The following ARHGAP42 variants were observed in gnomAD, a reference collection of about 807,000 sequenced individuals.
ARHGAP42 encodes rho GTPase-activating protein 42.
ARHGAP42 carries 63 observed loss-of-function variants against 125.0 expected under a neutral mutation model. The observed-to-expected ratio is 0.50, with a 90% CI of 0.41 to 0.62. The LOEUF (loss-of-function observed/expected upper bound fraction) is 0.62, where lower values mean the gene tolerates loss of function less well. ARHGAP42 is among the 20% of genes least tolerant of loss of function. The pLI is 0.00. For synonymous variants in ARHGAP42, 339 were observed against 351.0 expected (o/e 0.97, Z 0.38); for missense variants, 766 against 1,024.2 (o/e 0.75, Z 3.44).
At chr11:100,927,029 TA>T (rs1404829478) in intron 6 of ARHGAP42, among the ~76,000 whole-genome samples, 2 of 152,216 alleles carry the variant, frequency 1.3e-5, no homozygotes, top group Non-Finnish European at 2.9e-5. Flanking sequence ...AGCTAAAATA[TA>T]GTGCTTTTGA....
intron 1 of ARHGAP42, among the ~76,000 whole-genome samples, chr11:100,731,356 A>C (rs1219595351): frequency 2.0e-5 from 3 of 152,014 alleles, no homozygotes; most frequent in Admixed American, 2.0e-4. Context: ...ACGGGGTTTC[A>C]CCATGTTGGC....
chr11:100,687,921 C>A, intron 1 of ARHGAP42, 89 bp downstream of exon 1: 1 of 1,390,428 alleles, frequency 7.2e-7, no homozygotes, highest in Non-Finnish European at 9.6e-7. Flanking sequence ...GGAGTCGGAG[C>A]TTCTTTTGTT....
At chr11:100,895,117 A>C (rs1866318722) in intron 4 of ARHGAP42, among the ~76,000 whole-genome samples, 1 of 152,230 alleles carries the variant, frequency 6.6e-6, no homozygotes, top group South Asian at 2.1e-4. Context: ...GATAGAGAGG[A>C]GGCCAAGGCC....
At chr11:100,811,236 G>A (rs374221738) in intron 3 of ARHGAP42, among the ~76,000 whole-genome samples, 10 of 152,208 alleles carry the variant, frequency 6.6e-5, no homozygotes, top group Middle Eastern at 3.4e-3. Flanking sequence ...GATGATAGGC[G>A]CGAGCTACCA....
intron 13 of ARHGAP42, among the ~76,000 whole-genome samples, 194 bp from the exon 14 acceptor site, chr11:100,960,721 T>C (rs1321813989): frequency 6.6e-6 from 1 of 152,188 alleles, no homozygotes; most frequent in Non-Finnish European, 1.5e-5. Context: ...TCAAAGACTT[T>C]CAAATCACTG....
intron 1 of ARHGAP42, among the ~76,000 whole-genome samples, chr11:100,702,411 G>C (rs1861411592): frequency 6.6e-6 from 1 of 152,020 alleles, no homozygotes; most frequent in South Asian, 2.1e-4. Flanking sequence ...AAGAGCATTG[G>C]TCACAGGTCA....
At chr11:100,730,179 G>T (rs1366047427) in intron 1 of ARHGAP42, among the ~76,000 whole-genome samples, 1 of 151,994 alleles carries the variant, frequency 6.6e-6, no homozygotes, top group Non-Finnish European at 1.5e-5. Flanking sequence ...AAAGTTTGAT[G>T]TACTGTGGAT....
intron 2 of ARHGAP42, among the ~76,000 whole-genome samples, chr11:100,787,929 T>C (rs1426271588): frequency 6.6e-6 from 1 of 152,192 alleles, no homozygotes; most frequent in East Asian, 1.9e-4. Context: ...AAATTCATCA[T>C]AGGTGCTTGT....
chr11:100,728,049 G>A (rs1438716090), intron 1 of ARHGAP42, among the ~76,000 whole-genome samples: 2 of 152,140 alleles, frequency 1.3e-5, no homozygotes, highest in African/African-American at 2.4e-5. Flanking sequence ...AGAATTGGTT[G>A]GTGAAAGGAA....
intron 4 of ARHGAP42, among the ~76,000 whole-genome samples, chr11:100,895,496 T>C (rs1337515773): frequency 1.5e-4 from 22 of 148,640 alleles, no homozygotes; most frequent in Admixed American, 4.0e-4. Context: ...AGAGCAACTT[T>C]TTTTTTTTTT....
At chr11:100,813,843 A>G (rs949166657) in intron 3 of ARHGAP42, among the ~76,000 whole-genome samples, 8 of 152,202 alleles carry the variant, frequency 5.3e-5, no homozygotes, top group African/African-American at 1.9e-4. Context: ...AACCCTTTTT[A>G]ATAAGACTGG....
intron 3 of ARHGAP42, among the ~76,000 whole-genome samples, chr11:100,832,172 T>C (rs1459115302): frequency 6.6e-6 from 1 of 152,236 alleles, no homozygotes; most frequent in East Asian, 1.9e-4. Context: ...GGCACATGAC[T>C]TTAGCTGACA....
chr11:100,842,547 T>G (rs953714446), intron 3 of ARHGAP42, among the ~76,000 whole-genome samples: 1 of 152,100 alleles, frequency 6.6e-6, no homozygotes, highest in African/African-American at 2.4e-5. Flanking sequence ...AATTACTAGT[T>G]GTTAGGAAGC....
Position 100,973,351 on chromosome 11 carries a change from T to C in ARHGAP42, c.1710+17T>C. The C allele has an allele frequency of 3.9e-6, 6 of 1,547,698 alleles. No homozygotes were observed. In the East Asian group the frequency reaches 7.4e-5, roughly 19 times the overall value. On this transcript the variant is annotated intron_variant, in intron 18 of 23. Coordinates refer to ENST00000298815, the MANE Select transcript of ARHGAP42 (RefSeq NM_152432.4). The stretch of plus-strand genomic sequence containing the variant: ...TATGAAAAGGTAGGCGGAATTTTCA[T>C]GTGGAAGTGTCAAGTTTTATATCTT...
intron 2 of ARHGAP42, among the ~76,000 whole-genome samples, chr11:100,771,580 A>G (rs7127483): frequency 0.017 from 2,607 of 152,158 alleles, 73 homozygotes; most frequent in African/African-American, 0.06. Context: ...GCCCAACTTT[A>G]ATGTCTGTAG....
At chr11:100,745,986 A>T (rs141239430) in intron 1 of ARHGAP42, among the ~76,000 whole-genome samples, 1 of 152,346 alleles carries the variant, frequency 6.6e-6, no homozygotes, top group African/African-American at 2.4e-5. Flanking sequence ...GGAAAGACCC[A>T]TAAGGGGCTT....
At position 100,973,162 on chromosome 11, in the gene ARHGAP42, T is replaced by A. The variant is rs749894526; in HGVS notation, c.1551-13T>A. On this transcript the variant is annotated splice_polypyrimidine_tract_variant and intron_variant, in intron 17 of 23. Transcript: ENST00000298815. ...ATATAACTTAAGATATTTTTGTTGC[T>A]TTTTATTTGCAGAGTATCACTACAC... 6.7e-7 allele frequency: 1 copy of A among 1,498,058 alleles called. No homozygotes were observed. Among genetic ancestry groups the A allele is most frequent in the Non-Finnish European group, 8.9e-7 (1 of 1,121,278 alleles). The allele number at this position is 1,498,058 out of a possible 1,614,324, so 92.8% of individuals were successfully genotyped here.
chr11:100,721,671 A>T (rs1027902615), intron 1 of ARHGAP42, among the ~76,000 whole-genome samples: 5 of 151,924 alleles, frequency 3.3e-5, no homozygotes, highest in African/African-American at 1.2e-4. Flanking sequence ...ACAAGGTTTC[A>T]CCATGTAGGT....
At chr11:100,912,851 C>G (rs1302511560) in intron 4 of ARHGAP42, among the ~76,000 whole-genome samples, 1 of 152,260 alleles carries the variant, frequency 6.6e-6, no homozygotes, top group Middle Eastern at 3.4e-3. Flanking sequence ...TTAATCCTTT[C>G]AATTTATTCG....
Sources: gnomAD v4.1 joint callset for allele counts (sites outside exome capture counted in the v4.1 genomes callset) on GRCh38, gnomAD v4.1.1 for gene constraint, MANE v1.5 for transcripts, NCBI Gene and HGNC (gene_info 2026-07-23, HGNC 2026-07-21) for gene names.